SLC45A4: variants seen among roughly 807,000 people sequenced by gnomAD.
SLC45A4 encodes polyamine-transporter SLC45A4.
SLC45A4 carries 32 observed loss-of-function variants against 63.7 expected under a neutral mutation model. The observed-to-expected ratio is 0.50, with a 90% CI of 0.38 to 0.67. The LOEUF is 0.67. SLC45A4 is among the 30% of genes least tolerant of loss of function. SLC45A4 has a pLI of 0.00. For missense variants in SLC45A4, 1,027 were observed against 1,157.7 expected (o/e 0.89, Z 1.64); for synonymous variants, 535 against 510.0 (o/e 1.05, Z -0.66).
rs765323954 is a variant in SLC45A4, at chr8:141,211,600, AT to A, written c.2398del (p.Ile800PhefsTer53). On this transcript the variant is annotated frameshift_variant, in exon 9 of 9. Transcript: ENST00000517878. LOFTEE classifies it low-confidence loss of function (END_TRUNC). ...IFLYDYFRKK[I>X]FFSTMWFS is the part of the protein sequence containing the mutation. ...AGAGAACCACATTGTGGAAAAGAAA[AT>A]TTTTTTTCTAAAATAATCATAAAGA... The A allele has an allele frequency of 3.7e-6, 6 of 1,612,514 alleles. No homozygotes were observed. Among genetic ancestry groups the A allele is most frequent in the East Asian group, 4.5e-5 (2 of 44,870 alleles).
chr8:141,271,339 A>G (rs2154614932), intron 1 of SLC45A4, among the ~76,000 whole-genome samples: 1 of 152,298 alleles, frequency 6.6e-6, no homozygotes, highest in Middle Eastern at 3.4e-3. Context: ...ACCACACTCA[A>G]TTCTGGAAGC....
chr8:141,226,657 G>C (rs772937906), intron 2 of SLC45A4: 1 of 152,436 alleles, frequency 6.6e-6, no homozygotes, highest in Non-Finnish European at 1.5e-5. Flanking sequence ...AGGTCAGGCC[G>C]AGGATGGAGA....
At chr8:141,213,254 C>G (rs1465497319) in intron 7 of SLC45A4, among the ~76,000 whole-genome samples, 1 of 152,232 alleles carries the variant, frequency 6.6e-6, no homozygotes, top group African/African-American at 2.4e-5. Context: ...ACCTCACAGA[C>G]AGAGACGGGG....
intron 1 of SLC45A4, among the ~76,000 whole-genome samples, chr8:141,257,840 AACGTC>A (rs1277988940): frequency 6.6e-6 from 1 of 152,144 alleles, no homozygotes; most frequent in African/African-American, 2.4e-5. Flanking sequence ...CCTGGCCCAG[AACGTC>A]AACAGCACCA....
At chr8:141,298,407 G>T (rs1830635811) in intron 1 of SLC45A4, among the ~76,000 whole-genome samples, 1 of 152,218 alleles carries the variant, frequency 6.6e-6, no homozygotes, top group Admixed American at 6.5e-5. Flanking sequence ...TCAGGCACCT[G>T]CCTTGAGCCT....
chr8:141,258,755 A>G (rs1442827480), intron 1 of SLC45A4, among the ~76,000 whole-genome samples: 1 of 152,066 alleles, frequency 6.6e-6, no homozygotes, highest in Non-Finnish European at 1.5e-5. Flanking sequence ...GCCAGATGTG[A>G]TGGTATGTGC....
chr8:141,287,306 C>G (rs188854753), intron 1 of SLC45A4, among the ~76,000 whole-genome samples: 20 of 152,332 alleles, frequency 1.3e-4, no homozygotes, highest in African/African-American at 4.6e-4. Flanking sequence ...GAAAACCTCT[C>G]CCGGCGGATA....
Position 141,255,793 on chromosome 8 carries a change from G to A in SLC45A4, c.-400-1164C>T, listed in dbSNP as rs1209236686. ...TGAAAAGTAGGAGGCTGGGTGGAAT[G>A]AGCATAGCATGATTCTCTGTCCGGG... On this transcript the variant is annotated intron_variant, in intron 1 of 8. Transcript: ENST00000517878. Among the ~76,000 whole-genome samples the A allele has an allele frequency of 2.6e-5, 4 of 152,154 alleles. No individual in the cohort carries two copies. In the East Asian group the frequency reaches 7.7e-4, roughly 29 times the overall value.
At chr8:141,301,002 C>T (rs963878014) in intron 1 of SLC45A4, among the ~76,000 whole-genome samples, 1 of 152,182 alleles carries the variant, frequency 6.6e-6, no homozygotes. Context: ...CCTGAGGGGC[C>T]TCCGGTGTGG....
intron 1 of SLC45A4, among the ~76,000 whole-genome samples, chr8:141,300,605 G>T (rs1419778237): frequency 6.6e-6 from 1 of 152,210 alleles, no homozygotes; most frequent in Non-Finnish European, 1.5e-5. Flanking sequence ...TCCGGAACAG[G>T]CACAGCGATG....
chr8:141,220,082 C>A (rs1054043249), intron 3 of SLC45A4, among the ~76,000 whole-genome samples: 2 of 152,210 alleles, frequency 1.3e-5, no homozygotes, highest in Non-Finnish European at 2.9e-5. Context: ...CAAGGGTTTA[C>A]GCGCCCTTGA....
At chr8:141,307,159 T>G (rs1057366891) in intron 1 of SLC45A4, among the ~76,000 whole-genome samples, 38 of 152,098 alleles carry the variant, frequency 2.5e-4, no homozygotes, top group Non-Finnish European at 2.5e-4. Flanking sequence ...GGGCCCCGTG[T>G]GGATCCGCCT....
intron 2 of SLC45A4, among the ~76,000 whole-genome samples, chr8:141,223,661 T>C (rs1249125194): frequency 6.6e-6 from 1 of 152,200 alleles, no homozygotes; most frequent in Non-Finnish European, 1.5e-5. Context: ...GAACCCCTCC[T>C]GCTGTCCCTT....
rs1428780986 is a variant in SLC45A4 at position 141,227,549 on chromosome 8, A to C, written c.242-5784T>G. On this transcript the variant is annotated intron_variant, in intron 2 of 8. Coordinates refer to ENST00000517878, the MANE Select transcript of SLC45A4 (RefSeq NM_001286646.2). The surrounding 1 kb of genome is among the most constrained non-coding windows in gnomAD (Gnocchi z 4.4). ...GACCTCTGATGAATTTAAGTCAAGG[A>C]ACACTGTCAGGAGCCACTTCTGAAG... Among the ~76,000 whole-genome samples, 1 of 152,188 alleles carries C rather than the reference A, an allele frequency of 6.6e-6. No individual in the cohort carries two copies. Among genetic ancestry groups the C allele is most frequent in the Non-Finnish European group, 1.5e-5 (1 of 68,016 alleles).
intron 2 of SLC45A4, among the ~76,000 whole-genome samples, chr8:141,239,288 G>A (rs1261596878): frequency 1.3e-5 from 2 of 152,194 alleles, no homozygotes; most frequent in Non-Finnish European, 2.9e-5. Flanking sequence ...AGACATCCCT[G>A]GGTCAGTGGG....
intron 1 of SLC45A4, among the ~76,000 whole-genome samples, chr8:141,262,441 T>C (rs1447452797): frequency 2.1e-4 from 32 of 150,050 alleles, no homozygotes; most frequent in Admixed American, 5.3e-4. Flanking sequence ...ACCTACAAAA[T>C]GGGAGAAAAT....
chr8:141,256,637 C>A lies in SLC45A4; in HGVS notation c.-400-2008G>T, dbSNP rs1188710631. The A allele has an allele frequency of 2.2e-6, 1 of 456,172 alleles. No individual in the cohort carries two copies. The highest frequency in any genetic ancestry group is 4.4e-6 in the Non-Finnish European group (1 of 226,958). The allele number at this position is 456,172 out of a possible 1,614,324, so 28.3% of individuals were successfully genotyped here. A position where few individuals can be genotyped will look rare whatever the true frequency, so the allele number is the denominator to read the frequency against. ...ATCTTCTTTCACGCTGCAGCGGAAA[C>A]CAGAATGCCTACTAATTCCTTAAGA... On this transcript the variant is annotated intron_variant, in intron 1 of 8. Coordinates refer to ENST00000517878, the MANE Select transcript of SLC45A4 (RefSeq NM_001286646.2). The surrounding 1 kb of genome is among the most constrained non-coding windows in gnomAD (Gnocchi z 4.3).
intron 1 of SLC45A4, among the ~76,000 whole-genome samples, chr8:141,265,245 G>A (rs1829217633): frequency 6.6e-6 from 1 of 152,176 alleles, no homozygotes; most frequent in South Asian, 2.1e-4. Context: ...CTGGAACAAG[G>A]GCCCATGTGG....
At chr8:141,269,841 A>C (rs1829444274) in intron 1 of SLC45A4, among the ~76,000 whole-genome samples, 1 of 152,158 alleles carries the variant, frequency 6.6e-6, no homozygotes, top group African/African-American at 2.4e-5. Context: ...AAGAAACTGA[A>C]TCAAGGAAAA....
Sources: allele counts gnomAD v4.1 joint callset (sites outside exome capture counted in the v4.1 genomes callset), GRCh38; gene constraint gnomAD v4.1.1; non-coding constraint Gnocchi (gnomAD v3.1); transcripts MANE v1.5; gene names NCBI Gene and HGNC (gene_info 2026-07-23, HGNC 2026-07-21).